The following NIPSNAP3B variants were observed in gnomAD, a reference collection of about 807,000 sequenced individuals.
NIPSNAP3B encodes protein NipSnap homolog 3B.
Under a neutral mutation model 31.5 loss-of-function variants are expected in NIPSNAP3B, and 30 were observed. That is an observed-to-expected ratio of 0.95 (90% confidence interval 0.71 to 1.29). The LOEUF (loss-of-function observed/expected upper bound fraction) is 1.29. Among genes scored for constraint, NIPSNAP3B ranks in the 50% most tolerant of loss-of-function variants. The pLI is 0.00. For synonymous variants in NIPSNAP3B, 106 were observed against 107.9 expected, an observed-to-expected ratio of 0.98 and a Z score of 0.11; for missense variants, 269 against 300.7, an observed-to-expected ratio of 0.89 and a Z score of 0.78.
chr9:104,780,063 T>C (rs1021412381), downstream of NIPSNAP3B, among the ~76,000 whole-genome samples: 11 of 152,302 alleles, frequency 7.2e-5, no homozygotes, highest in East Asian at 5.8e-4. Context: ...CAAAACCTCA[T>C]GGGTAACATA....
At chr9:104,764,630 C>A (rs778923652) in intron 1 of NIPSNAP3B, among the ~76,000 whole-genome samples, 5 of 152,210 alleles carry the variant, frequency 3.3e-5, no homozygotes, top group African/African-American at 1.2e-4. Context: ...ACCTCCGCCT[C>A]CCGGGTTCAA....
chr9:104,781,434 T>G (rs372860453), downstream of NIPSNAP3B: 1 of 152,596 alleles, frequency 6.6e-6, no homozygotes, highest in Non-Finnish European at 1.5e-5. Flanking sequence ...TACAAATTAA[T>G]GTCTCAATAT....
chr9:104,790,273 A>G, the NIPSNAP3B span, among the ~76,000 whole-genome samples: 1 of 152,188 alleles, frequency 6.6e-6, no homozygotes, highest in Non-Finnish European at 1.5e-5. Context: ...AGAGAGGGCA[A>G]TTTACTTTGT....
intron 3 of NIPSNAP3B, among the ~76,000 whole-genome samples, chr9:104,770,144 C>A (rs2482427): frequency 6.6e-6 from 1 of 151,926 alleles, no homozygotes; most frequent in Non-Finnish European, 1.5e-5. Flanking sequence ...TTAATAGTTC[C>A]CTTCCTCTAT....
In NIPSNAP3B at chr9:104,776,680, T is replaced by C. The variant is rs1011565990; in HGVS notation, c.*3607T>C. On this transcript the variant is annotated 3_prime_UTR_variant, in exon 6 of 6. Coordinates refer to ENST00000374762, the MANE Select transcript of NIPSNAP3B (RefSeq NM_018376.4). ...GTTACAGCAACCTGAACTAAGACAC[T>C]ATCCCTCTCCCCTGCTTTCTTTTTC... Among the ~76,000 whole-genome samples the C allele has an allele frequency of 2.6e-5, 4 of 152,228 alleles. No individual in the cohort carries two copies.
the NIPSNAP3B span, chr9:104,786,222 C>T: frequency 3.0e-5 from 36 of 1,213,646 alleles, no homozygotes; most frequent in Non-Finnish European, 4.9e-6. Context: ...GTTAGAGGCA[C>T]CATTTATATA....
chr9:104,764,385 C>A, intron 1 of NIPSNAP3B, 85 bp downstream of exon 1: 1 of 1,204,496 alleles, frequency 8.3e-7, no homozygotes, highest in Non-Finnish European at 1.1e-6. Flanking sequence ...GAGCCACGCT[C>A]AGGCGCTCCC....
chr9:104,789,488 T>C, the NIPSNAP3B span, among the ~76,000 whole-genome samples: 2 of 152,234 alleles, frequency 1.3e-5, no homozygotes, highest in African/African-American at 4.8e-5. Flanking sequence ...ATTTCCTTGC[T>C]CTTTTCAATT....
intron 1 of NIPSNAP3B, among the ~76,000 whole-genome samples, chr9:104,765,052 A>G (rs1828061730): frequency 6.6e-6 from 1 of 152,228 alleles, no homozygotes; most frequent in Non-Finnish European, 1.5e-5. Context: ...TATTTTCAGA[A>G]TTTGATTAAA....
At chr9:104,786,979 G>A in the NIPSNAP3B span, 1 of 1,611,546 alleles carries the variant, frequency 6.2e-7, no homozygotes, top group Non-Finnish European at 8.5e-7. Context: ...GGTTCATCCT[G>A]TAATTAGAAT....
chr9:104,786,274 TCCCAAAGAA>T, the NIPSNAP3B span: 1 of 1,578,116 alleles, frequency 6.3e-7, no homozygotes, highest in South Asian at 1.1e-5. Flanking sequence ...CTAGGCACTA[TCCCAAAGAA>T]ATTATCTTTA....
chr9:104,777,006 T>C lies in NIPSNAP3B; in HGVS notation c.*3933T>C, dbSNP rs1244357461. The C allele has an allele frequency of 2.0e-5, 3 of 152,212 alleles. No individual in the cohort carries two copies. The highest frequency in any genetic ancestry group is 6.5e-5 in the Admixed American group (1 of 15,282). 9.4% of individuals were successfully genotyped at this position (152,212 alleles called of 1,614,324 possible). A position where few individuals can be genotyped will look rare whatever the true frequency, so the allele number is the denominator to read the frequency against. ...TGGAAAGTATTCCTGGAATACACGATGAATGACTCAGTAGAAGTTCTGGCT... is the reference window on the plus strand; with the variant it reads ...TGGAAAGTATTCCTGGAATACACGACGAATGACTCAGTAGAAGTTCTGGCT... On this transcript the variant is annotated 3_prime_UTR_variant, in exon 6 of 6. Transcript: ENST00000374762.
At chr9:104,780,456 T>A (rs1828452245), downstream of NIPSNAP3B, among the ~76,000 whole-genome samples, 1 of 152,202 alleles carries the variant, frequency 6.6e-6, no homozygotes, top group South Asian at 2.1e-4. Flanking sequence ...AAAAATACAT[T>A]TACATTTATC....
chr9:104,784,045 T>C, the NIPSNAP3B span: 1 of 407,720 alleles, frequency 2.5e-6, no homozygotes, highest in East Asian at 4.6e-5. Context: ...TTGGGTTCCA[T>C]AATAGAGTTT....
downstream of NIPSNAP3B, among the ~76,000 whole-genome samples, chr9:104,778,902 C>A (rs781175315): frequency 3.3e-5 from 5 of 152,146 alleles, no homozygotes; most frequent in Non-Finnish European, 5.9e-5. Context: ...AATCCAAATA[C>A]CTTAAAAAGG....
At chr9:104,778,123 T>A (rs1157810415), downstream of NIPSNAP3B, among the ~76,000 whole-genome samples, 1 of 152,222 alleles carries the variant, frequency 6.6e-6, no homozygotes, top group Non-Finnish European at 1.5e-5. Context: ...CCTGGCTAGC[T>A]TCTCTTCTAA....
At chr9:104,779,914 C>T (rs887024496), downstream of NIPSNAP3B, among the ~76,000 whole-genome samples, 1 of 152,084 alleles carries the variant, frequency 6.6e-6, no homozygotes. Context: ...GCCTGTAGTA[C>T]CAGCTACTTG....
chr9:104,780,085 A>T (rs964924851), downstream of NIPSNAP3B, among the ~76,000 whole-genome samples: 1 of 152,136 alleles, frequency 6.6e-6, no homozygotes, highest in African/African-American at 2.4e-5. Context: ...TTTCATCTAA[A>T]TTACCTGCCT....
chr9:104,766,225 T>A, intron 1 of NIPSNAP3B, 100 bp from the exon 2 acceptor site: 1 of 833,306 alleles, frequency 1.2e-6, no homozygotes. Flanking sequence ...CAATGGATAA[T>A]GAGTCTATGT....
Sources: gnomAD v4.1 joint callset for allele counts (sites outside exome capture counted in the v4.1 genomes callset) on GRCh38, gnomAD v4.1.1 for gene constraint, MANE v1.5 for transcripts, NCBI Gene and HGNC (gene_info 2026-07-23, HGNC 2026-07-21) for gene names.